Variants in C3 observed in about 807,000 individuals in gnomAD.
C3 encodes the protein complement C3, also known as C3 and PZP-like alpha-2-macroglobulin domain-containing protein 1.
Under a neutral mutation model 207.9 loss-of-function variants are expected in C3, and 97 were observed. The ratio of observed to expected loss-of-function variants is 0.47; its 90% CI spans 0.40 to 0.55. C3 has a LOEUF of 0.55. Among genes scored for constraint, C3 ranks in the 20% least tolerant of loss-of-function variants. C3 has a pLI of 0.00. For missense variants in C3, 1,684 were observed against 2,171.7 expected, an observed-to-expected ratio of 0.78 and a Z score of 4.46; for synonymous variants, 848 against 857.6, an observed-to-expected ratio of 0.99 and a Z score of 0.20.
At chr19:6,693,378 G>A (rs754619818) in intron 25 of C3, 34 bp downstream of exon 25, 15 of 1,583,876 alleles carry the variant, frequency 9.5e-6, no homozygotes, top group Admixed American at 1.8e-5. Context: ...AGGGTGGGGA[G>A]TATGCATGGC....
At position 6,719,365 on chromosome 19, in the gene C3, C is replaced by T. The variant is rs1238527258; in HGVS notation, c.113G>A (p.Ser38Asn). The change falls in exon 2 of 41, where the codon AGC becomes AAC. Residue 38 changes from serine (S) to asparagine (N), a missense_variant. Coordinates refer to ENST00000245907, the MANE Select transcript of C3 (RefSeq NM_000064.4). This position sits in a 1 kb window ranked among gnomAD's most constrained non-coding sequence, Gnocchi z 5.4. ...IITPNILRLE[S>N]EETMVLEAHD... is the part of the protein sequence containing the mutation. ...GGCCTCCAGCACCATGGTCTCCTCG[C>T]TCTCCAGCCGCAAGATGTTGGGGGT... The T allele has an allele frequency of 6.2e-7, 1 of 1,613,854 alleles. No homozygotes were observed. The highest frequency in any genetic ancestry group is 1.3e-5 in the African/African-American group (1 of 74,844).
Position 6,710,725 on chromosome 19 carries a change from A to G in C3, c.1600T>C (p.Tyr534His). Reference protein sequence around the residue: ...DFIPSFRLVAYYTLIGASGQR... With the variant: ...DFIPSFRLVAHYTLIGASGQR... ...CCGCTGGCACCGATCAGCGTGTAGT[A>G]CGCCACCAGGCGGAAGGAAGGGATG... Residue 534 changes from tyrosine to histidine, a missense_variant, in exon 13 of 41, where the codon TAC becomes CAC. Tyr to His is a moderately conservative substitution (Grantham distance 83). Transcript: ENST00000245907. The G allele has an allele frequency of 1.2e-6, 2 of 1,613,688 alleles. No individual in the cohort carries two copies. Among genetic ancestry groups the G allele is most frequent in the Non-Finnish European group, 1.7e-6 (2 of 1,179,980 alleles).
intron 9 of C3, among the ~76,000 whole-genome samples, chr19:6,712,971 C>T (rs755176995): frequency 2.0e-5 from 3 of 152,016 alleles, no homozygotes; most frequent in South Asian, 2.1e-4. Context: ...CCCATCAGCC[C>T]GGACCCCACC....
chr19:6,682,863 A>T (rs1471182949), intron 33 of C3: 1 of 155,596 alleles, frequency 6.4e-6, no homozygotes, highest in Non-Finnish European at 1.4e-5. Context: ...ATGTATCACG[A>T]AAAGAGGGAA....
intron 27 of C3, among the ~76,000 whole-genome samples, chr19:6,689,336 C>CTCTCTCTCTCTCT (rs1568213464): frequency 2.1e-5 from 1 of 46,756 alleles, no homozygotes; most frequent in African/African-American, 1.2e-4. Context: ...TACCTCCCTC[C>CTCTCTCTCTCTCT]CTCCCTCCCT....
chr19:6,716,901 G>A (rs1968044062), intron 4 of C3: 1 of 152,232 alleles, frequency 6.6e-6, no homozygotes, highest in Non-Finnish European at 1.5e-5. Flanking sequence ...GGTGACATTT[G>A]AGCAAAGACT....
chr19:6,695,742 G>A lies in C3; in HGVS notation c.2950+637C>T, dbSNP rs898058588. ...GGTCTGCCTGCCTCGGCCTCCCAAA[G>A]TGCTGGGATTACAGGCTATTGAGTC... On this transcript the variant is annotated intron_variant, in intron 23 of 40. Coordinates refer to ENST00000245907, the MANE Select transcript of C3 (RefSeq NM_000064.4). Among the ~76,000 whole-genome samples, 5 of 152,030 alleles carry A rather than the reference G, an allele frequency of 3.3e-5. 1 individual carries two copies.
At chr19:6,692,795 AC>A (rs11569493) in intron 26 of C3, 128 bp downstream of exon 26, 12 of 1,178,166 alleles carry the variant, frequency 1.0e-5, no homozygotes, top group Non-Finnish European at 1.2e-5. Context: ...GCCTGCCCCC[AC>A]CCCCCAGCCC....
Position 6,719,616 on chromosome 19 carries a change from C to G in C3, c.75-213G>C, listed in dbSNP as rs2270521. 3.3e-5 allele frequency among the ~76,000 whole-genome samples: 5 copies of G among 151,966 alleles called. No homozygotes were observed. The highest frequency in any genetic ancestry group is 1.5e-5 in the Non-Finnish European group (1 of 68,002). ...AGGACAGCAGCCACCATGACTCCCA[C>G]TCTCAGCCAGCTGGGCCTGGCCTTT... On this transcript the variant is annotated intron_variant, in intron 1 of 40. Coordinates refer to ENST00000245907, the MANE Select transcript of C3 (RefSeq NM_000064.4). The surrounding 1 kb of genome is among the most constrained non-coding windows in gnomAD (Gnocchi z 5.4).
At chr19:6,686,962 A>C in intron 27 of C3, 60 bp from the exon 28 acceptor site, 1 of 1,544,704 alleles carries the variant, frequency 6.5e-7, no homozygotes, top group Non-Finnish European at 8.9e-7. Flanking sequence ...GTTAGTAAGG[A>C]TCATTCGAGC....
At chr19:6,682,860 A>T (rs1309924953) in intron 33 of C3, 2 of 155,674 alleles carry the variant, frequency 1.3e-5, no homozygotes, top group Non-Finnish European at 2.9e-5. Context: ...ACAATGTATC[A>T]CGAAAAGAGG....
chr19:6,708,515 T>C (rs1967833794), intron 14 of C3, among the ~76,000 whole-genome samples: 1 of 148,678 alleles, frequency 6.7e-6, no homozygotes, highest in South Asian at 2.2e-4. Context: ...CTCCCTCCAT[T>C]CCTCCTTTCC....
chr19:6,693,572 A>C, intron 24 of C3, 85 bp from the exon 25 acceptor site: 3 of 1,122,902 alleles, frequency 2.7e-6, no homozygotes, highest in Non-Finnish European at 3.9e-6. Flanking sequence ...GGGTGCAGAG[A>C]GGGGACAGGG....
At chr19:6,711,329 G>A (rs1049018609) in intron 11 of C3, 133 bp from the exon 12 acceptor site, 311 of 724,416 alleles carry the variant, frequency 4.3e-4, no homozygotes, top group Non-Finnish European at 7.1e-4. Context: ...GGGATCTGGA[G>A]ATGGAATCAT....
Position 6,713,559 on chromosome 19 carries a change from G to A in C3, c.774-50C>T, listed in dbSNP as rs200139151. The A allele has an allele frequency of 2.4e-5, 33 of 1,393,298 alleles. No homozygotes were observed. In the East Asian group the frequency reaches 7.1e-4, roughly 30 times the overall value. 86.3% of individuals were successfully genotyped at this position (1,393,298 alleles called of 1,614,324 possible). A position where few individuals can be genotyped will look rare whatever the true frequency, so the allele number is the denominator to read the frequency against. ...CAGGTCCATCCCTCCTGGAGAATGGGATCTCCCCCAGCTTCTCCTGCCTGT... is the reference window on the plus strand; with the variant it reads ...CAGGTCCATCCCTCCTGGAGAATGGAATCTCCCCCAGCTTCTCCTGCCTGT... On this transcript the variant is annotated intron_variant, in intron 7 of 40. Transcript: ENST00000245907.
intron 19 of C3, among the ~76,000 whole-genome samples, chr19:6,698,788 A>G (rs181443741): frequency 6.6e-6 from 1 of 152,120 alleles, no homozygotes; most frequent in Admixed American, 6.6e-5. Context: ...TATATATTTT[A>G]TTATTTTTTA....
chr19:6,679,269 T>G, intron 37 of C3, 61 bp from the exon 38 acceptor site: 1 of 1,513,166 alleles, frequency 6.6e-7, no homozygotes, highest in Non-Finnish European at 9.2e-7. Flanking sequence ...CTACTGCCCA[T>G]GGGTGTGGCC....
chr19:6,684,701 C>T (rs750967597), intron 31 of C3, 51 bp from the exon 32 acceptor site: 2 of 1,600,500 alleles, frequency 1.2e-6, no homozygotes, highest in Non-Finnish European at 1.7e-6. Flanking sequence ...ACTAGGACTG[C>T]TGGGGACAAG....
rs11569493 is a variant in C3, at chr19:6,692,795, A to AC, written c.3390+128dup. 39 of 1,178,224 alleles carry AC rather than the reference A, an allele frequency of 3.3e-5. No individual in the cohort carries two copies. In the African/African-American group the frequency reaches 4.8e-4, roughly 15 times the overall value. 73.0% of individuals were successfully genotyped at this position (1,178,224 alleles called of 1,614,324 possible). A position where few individuals can be genotyped will look rare whatever the true frequency, so the allele number is the denominator to read the frequency against. The stretch of plus-strand genomic sequence containing the variant: ...CTGGCTCATATATCTGCCTGCCCCC[A>AC]CCCCCCAGCCCAATCTTTGCAAAGG... On this transcript the variant is annotated intron_variant, in intron 26 of 40. Transcript: ENST00000245907.
Sources: allele counts gnomAD v4.1 joint callset (sites outside exome capture counted in the v4.1 genomes callset), GRCh38; gene constraint gnomAD v4.1.1; non-coding constraint Gnocchi (gnomAD v3.1); transcripts MANE v1.5; gene names NCBI Gene and HGNC (gene_info 2026-07-23, HGNC 2026-07-21).